STPG2: variants seen among roughly 807,000 people sequenced by gnomAD.
The protein encoded by STPG2 is sperm-tail PG-rich repeat-containing protein 2.
A neutral mutation model predicts 54.2 loss-of-function variants in STPG2; 56 were observed. That is an observed-to-expected ratio of 1.03 (90% CI 0.83 to 1.29). STPG2 has a LOEUF of 1.29. STPG2 is among the 50% of genes most tolerant of loss of function. The pLI, the probability that STPG2 is intolerant of heterozygous loss-of-function variation, is 0.00. For missense variants in STPG2, 596 were observed against 544.9 expected (o/e 1.09, Z -0.93); for synonymous variants, 200 against 181.8 (o/e 1.10, Z -0.81).
intron 9 of STPG2, among the ~76,000 whole-genome samples, chr4:97,729,491 G>T (rs1463518207): frequency 6.6e-6 from 1 of 152,054 alleles, no homozygotes; most frequent in Non-Finnish European, 1.5e-5. Flanking sequence ...TTTGTCAACG[G>T]TTATCAAAAT....
chr4:97,944,125 C>T (rs1733108373), intron 7 of STPG2, 118 bp from the exon 8 acceptor site: 14 of 650,694 alleles, frequency 2.2e-5, no homozygotes, highest in Non-Finnish European at 3.7e-5. Context: ...AATAAAGACA[C>T]ATATTCATAA....
At chr4:97,799,208 G>A (rs1395282440) in intron 9 of STPG2, among the ~76,000 whole-genome samples, 2 of 150,894 alleles carry the variant, frequency 1.3e-5, no homozygotes, top group East Asian at 3.9e-4. Context: ...TGTTATGTGT[G>A]AATTTGATCC....
intron 5 of STPG2, among the ~76,000 whole-genome samples, chr4:98,058,387 C>A (rs1044458971): frequency 6.6e-6 from 1 of 152,128 alleles, no homozygotes; most frequent in African/African-American, 2.4e-5. Context: ...AAATGGAAAA[C>A]AGAAGAAAGC....
chr4:98,138,268 G>A (rs904696339), intron 1 of STPG2, among the ~76,000 whole-genome samples: 4 of 152,060 alleles, frequency 2.6e-5, no homozygotes, highest in African/African-American at 9.7e-5. Flanking sequence ...ATTAGAGATG[G>A]TAGAGTTTGA....
chr4:97,805,077 A>G (rs1475439629), intron 9 of STPG2, among the ~76,000 whole-genome samples: 1 of 152,204 alleles, frequency 6.6e-6, no homozygotes, highest in African/African-American at 2.4e-5. Context: ...TGTGTTCCTG[A>G]AAATCTCTGT....
intron 8 of STPG2, chr4:97,916,237 G>C: frequency 6.6e-6 from 1 of 152,548 alleles, no homozygotes; most frequent in East Asian, 1.9e-4. Flanking sequence ...CTTTAAACCT[G>C]GATTAGTAAG....
At chr4:98,039,233 T>C (rs1736867514) in intron 5 of STPG2, among the ~76,000 whole-genome samples, 2 of 151,756 alleles carry the variant, frequency 1.3e-5, no homozygotes, top group African/African-American at 2.4e-5. Flanking sequence ...TGTATATATA[T>C]AAATGAACTG....
intron 1 of STPG2, among the ~76,000 whole-genome samples, chr4:98,136,787 A>C (rs1347242635): frequency 6.6e-6 from 1 of 151,740 alleles, no homozygotes; most frequent in East Asian, 1.9e-4. Flanking sequence ...TATTATTTGA[A>C]GGTAGACTGC....
At chr4:98,103,370 G>A (rs567685656) in intron 5 of STPG2, among the ~76,000 whole-genome samples, 1 of 152,010 alleles carries the variant, frequency 6.6e-6, no homozygotes, top group South Asian at 2.1e-4. Context: ...GGCTGGGCGT[G>A]GTGACTCACA....
chr4:97,958,623 C>T (rs1733775384), intron 7 of STPG2, among the ~76,000 whole-genome samples: 1 of 152,208 alleles, frequency 6.6e-6, no homozygotes, highest in Non-Finnish European at 1.5e-5. Flanking sequence ...AACTTTAAAG[C>T]AACAGCAGTT....
chr4:97,522,428 T>G (rs1731202285), intron 4 of STPG2, among the ~76,000 whole-genome samples: 1 of 152,050 alleles, frequency 6.6e-6, no homozygotes, highest in African/African-American at 2.4e-5. Context: ...TTCAACTAGT[T>G]AAGACACTTT....
At chr4:97,818,793 G>C (rs1011061774) in intron 9 of STPG2, among the ~76,000 whole-genome samples, 8 of 151,688 alleles carry the variant, frequency 5.3e-5, no homozygotes, top group Middle Eastern at 3.4e-3. Flanking sequence ...TACTCAAAAA[G>C]TGAATTACTT....
intron 3 of STPG2, among the ~76,000 whole-genome samples, chr4:98,111,725 C>T (rs753309938): frequency 1.3e-5 from 2 of 152,118 alleles, no homozygotes; most frequent in African/African-American, 2.4e-5. Context: ...GTATTTGAGG[C>T]TGTTTCCAGA....
intron 1 of STPG2, among the ~76,000 whole-genome samples, chr4:98,134,752 T>C (rs1740093696): frequency 6.6e-6 from 1 of 151,208 alleles, no homozygotes; most frequent in Admixed American, 6.6e-5. Context: ...GGGATGAAAA[T>C]GGCAATTATA....
intron 9 of STPG2, among the ~76,000 whole-genome samples, chr4:97,827,164 C>T (rs1728284129): frequency 1.3e-5 from 2 of 151,588 alleles, no homozygotes; most frequent in Non-Finnish European, 2.9e-5. Context: ...ATCTTTTTGA[C>T]TCTTTGCTTA....
Position 97,505,238 on chromosome 4 carries a change from A to G in STPG2, c.462+207461T>C, listed in dbSNP as rs367802249. 3.2e-4 allele frequency among the ~76,000 whole-genome samples: 48 copies of G among 152,072 alleles called. No individual in the cohort carries two copies. The East Asian group carries it at 8.9e-3, about 28-fold the overall frequency. ...ATAGTTTGGAAAATCCTTGTGTTTA[A>G]AATGACTCAAATCACCCCAAATGGC... On this transcript the variant is annotated intron_variant, in intron 4 of 4. Coordinates refer to the STPG2 transcript ENST00000522676.
At chr4:97,458,374 A>G (rs753949452) in intron 4 of STPG2, among the ~76,000 whole-genome samples, 4 of 152,204 alleles carry the variant, frequency 2.6e-5, no homozygotes, top group African/African-American at 4.8e-5. Context: ...TTGAAATATG[A>G]ATTATAATTG....
At chr4:97,946,528 G>A (rs771867684) in intron 7 of STPG2, among the ~76,000 whole-genome samples, 1 of 152,058 alleles carries the variant, frequency 6.6e-6, no homozygotes, top group Non-Finnish European at 1.5e-5. Context: ...ATGGTTTCAG[G>A]TATTAGATTT....
chr4:98,030,250 G>T (rs933596578), intron 5 of STPG2, among the ~76,000 whole-genome samples: 2 of 152,106 alleles, frequency 1.3e-5, no homozygotes, highest in African/African-American at 4.8e-5. Flanking sequence ...AGTCTATAAT[G>T]ACCCACAGTC....
Sources: allele counts gnomAD v4.1 joint callset (sites outside exome capture counted in the v4.1 genomes callset), GRCh38; gene constraint gnomAD v4.1.1; transcripts MANE v1.5; gene names NCBI Gene and HGNC (gene_info 2026-07-23, HGNC 2026-07-21).